The following ELOVL5 variants were observed in gnomAD, a reference collection of about 807,000 sequenced individuals.
ELOVL5 encodes ELOVL fatty acid elongase 5.
A neutral mutation model predicts 38.6 loss-of-function variants in ELOVL5; 8 were observed. The observed-to-expected ratio is 0.21, with a 90% CI of 0.12 to 0.37. The LOEUF is 0.37. Among genes scored for constraint, ELOVL5 ranks in the 10% least tolerant of loss-of-function variants. The pLI, the probability that ELOVL5 is intolerant of heterozygous loss-of-function variation, is 1.00. For missense variants in ELOVL5, 280 were observed against 367.8 expected, an observed-to-expected ratio of 0.76 and a Z score of 1.95; for synonymous variants, 127 against 133.7, an observed-to-expected ratio of 0.95 and a Z score of 0.34.
At chr6:53,310,510 C>T (rs1017991490) in intron 1 of ELOVL5, among the ~76,000 whole-genome samples, 1 of 152,218 alleles carries the variant, frequency 6.6e-6, no homozygotes, top group Admixed American at 6.5e-5. Context: ...AATCACATTA[C>T]TTACTGTTAA....
chr6:53,321,078 C>T (rs1432035204), intron 1 of ELOVL5, among the ~76,000 whole-genome samples: 1 of 152,186 alleles, frequency 6.6e-6, no homozygotes, highest in African/African-American at 2.4e-5. Context: ...GCTGCAGAAG[C>T]TCATCCATGC....
chr6:53,314,879 C>CA (rs1767969991), intron 1 of ELOVL5, among the ~76,000 whole-genome samples: 1 of 152,170 alleles, frequency 6.6e-6, no homozygotes. Flanking sequence ...ATTTCCTATG[C>CA]AAAATCCAAT....
intron 1 of ELOVL5, among the ~76,000 whole-genome samples, chr6:53,307,364 CTTAGTTTA>C (rs1033633810): frequency 1.4e-4 from 22 of 152,136 alleles, no homozygotes; most frequent in African/African-American, 4.6e-4. Flanking sequence ...CATTCTGTGC[CTTAGTTTA>C]TTAGACTGTA....
At chr6:53,311,965 C>T (rs1479653962) in intron 1 of ELOVL5, among the ~76,000 whole-genome samples, 1 of 151,280 alleles carries the variant, frequency 6.6e-6, no homozygotes, top group African/African-American at 2.4e-5. Flanking sequence ...CTCAAGCCTA[C>T]TGCTAGCAAT....
At chr6:53,328,822 C>T (rs1418353741) in intron 1 of ELOVL5, among the ~76,000 whole-genome samples, 1 of 152,186 alleles carries the variant, frequency 6.6e-6, no homozygotes, top group Non-Finnish European at 1.5e-5. Flanking sequence ...ACCTTAATCT[C>T]TTCGTTTACT....
intron 2 of ELOVL5, 97 bp from the exon 3 acceptor site, chr6:53,292,060 G>T: frequency 3.0e-6 from 2 of 675,508 alleles, no homozygotes. Flanking sequence ...AAAGTCACCT[G>T]GTATTCATGT....
At chr6:53,321,380 A>C (rs1768298259) in intron 1 of ELOVL5, among the ~76,000 whole-genome samples, 1 of 152,250 alleles carries the variant, frequency 6.6e-6, no homozygotes, top group South Asian at 2.1e-4. Flanking sequence ...TGACTTCTGA[A>C]GCAACATTTA....
chr6:53,317,224 T>C (rs1186540309), intron 1 of ELOVL5, among the ~76,000 whole-genome samples: 1 of 152,196 alleles, frequency 6.6e-6, no homozygotes, highest in African/African-American at 2.4e-5. Flanking sequence ...ACTGAATGCT[T>C]ATAAGGAAGC....
intron 7 of ELOVL5, 26 bp downstream of exon 7, chr6:53,270,567 A>C: frequency 1.2e-6 from 2 of 1,612,886 alleles, no homozygotes; most frequent in Non-Finnish European, 1.7e-6. Context: ...CCCAGATTCC[A>C]AGTCCCAGAG....
At chr6:53,324,351 T>C (rs995450909) in intron 1 of ELOVL5, among the ~76,000 whole-genome samples, 8 of 151,552 alleles carry the variant, frequency 5.3e-5, no homozygotes, top group Non-Finnish European at 2.9e-5. Flanking sequence ...TAACTAAAAG[T>C]AACATTTAAA....
chr6:53,347,559 G>C (rs1769609305), intron 1 of ELOVL5, among the ~76,000 whole-genome samples: 3 of 152,160 alleles, frequency 2.0e-5, no homozygotes. Flanking sequence ...AACCTGACAA[G>C]CAACATCAGC....
At chr6:53,296,268 C>T (rs889733843) in intron 1 of ELOVL5, among the ~76,000 whole-genome samples, 4 of 152,226 alleles carry the variant, frequency 2.6e-5, no homozygotes, top group South Asian at 4.1e-4. Flanking sequence ...CCCCAAGCCA[C>T]GCATCACAAG....
chr6:53,305,181 G>T, intron 1 of ELOVL5, among the ~76,000 whole-genome samples: 1 of 150,782 alleles, frequency 6.6e-6, no homozygotes, highest in Admixed American at 6.6e-5. Context: ...CTCCCGGACG[G>T]GGCGGCTGGC....
intron 1 of ELOVL5, among the ~76,000 whole-genome samples, chr6:53,325,033 G>A (rs1009522342): frequency 1.3e-5 from 2 of 152,132 alleles, no homozygotes; most frequent in Non-Finnish European, 2.9e-5. Flanking sequence ...CATCTAGACC[G>A]AAACAAGGTA....
At chr6:53,280,509 C>G (rs114572450) in intron 3 of ELOVL5, among the ~76,000 whole-genome samples, 12 of 152,314 alleles carry the variant, frequency 7.9e-5, no homozygotes, top group African/African-American at 2.9e-4. Flanking sequence ...AAGTCAATAA[C>G]CCTGATGGTT....
At chr6:53,306,205 AGAAAGGG>A (rs1291840375) in intron 1 of ELOVL5, among the ~76,000 whole-genome samples, 5 of 82,366 alleles carry the variant, frequency 6.1e-5, no homozygotes, top group African/African-American at 1.8e-4. Context: ...AAAGGGGAGG[AGAAAGGG>A]GAGAGGGGAG....
intron 1 of ELOVL5, among the ~76,000 whole-genome samples, chr6:53,333,545 GGGGCTTTGTCTTATA>G: frequency 1.3e-5 from 2 of 152,266 alleles, no homozygotes; most frequent in East Asian, 3.9e-4. Flanking sequence ...TATGTTTTCA[GGGGCTTTGTCTTATA>G]GGGATACTGA....
At chr6:53,319,385 T>G (rs1768206584) in intron 1 of ELOVL5, among the ~76,000 whole-genome samples, 1 of 151,336 alleles carries the variant, frequency 6.6e-6, no homozygotes, top group Admixed American at 6.6e-5. Flanking sequence ...TGAAAGTGGA[T>G]TCACATACTC....
chr6:53,305,001 G>A (rs1478390042), intron 1 of ELOVL5, among the ~76,000 whole-genome samples: 2 of 151,806 alleles, frequency 1.3e-5, no homozygotes, highest in African/African-American at 2.4e-5. Flanking sequence ...AGTAGGGGCG[G>A]CCAGGCAGAG....
Sources: allele counts gnomAD v4.1 joint callset (sites outside exome capture counted in the v4.1 genomes callset), GRCh38; gene constraint gnomAD v4.1.1; transcripts MANE v1.5; gene names NCBI Gene and HGNC (gene_info 2026-07-23, HGNC 2026-07-21).